PDE1C: variants seen among roughly 807,000 people sequenced by gnomAD.
The protein encoded by PDE1C is dual specificity calcium/calmodulin-dependent 3',5'-cyclic nucleotide phosphodiesterase 1C.
A neutral mutation model predicts 93.1 loss-of-function variants in PDE1C; 62 were observed. That is an observed-to-expected ratio of 0.67 (90% CI 0.54 to 0.82). The LOEUF is 0.82. PDE1C is among the 40% of genes least tolerant of loss of function. PDE1C has a pLI of 0.00. For missense variants in PDE1C, 742 were observed against 884.6 expected, an observed-to-expected ratio of 0.84 and a Z score of 2.04; for synonymous variants, 325 against 310.1, an observed-to-expected ratio of 1.05 and a Z score of -0.50.
intron 1 of PDE1C, among the ~76,000 whole-genome samples, chr7:32,321,930 T>C (rs575247925): frequency 6.6e-6 from 1 of 152,336 alleles, no homozygotes; most frequent in East Asian, 1.9e-4. Flanking sequence ...AATTAGCATG[T>C]AATAAGTACA....
At chr7:32,147,056 G>A (rs1800882120) in intron 3 of PDE1C, among the ~76,000 whole-genome samples, 1 of 151,610 alleles carries the variant, frequency 6.6e-6, no homozygotes, top group Non-Finnish European at 1.5e-5. Context: ...CCACCAAGAA[G>A]TCATCGCTAA....
intron 1 of PDE1C, among the ~76,000 whole-genome samples, chr7:32,327,600 CTACTAAAAA>C (rs1428727238): frequency 6.6e-6 from 1 of 152,066 alleles, no homozygotes; most frequent in Non-Finnish European, 1.5e-5. Flanking sequence ...AACCTTGTCT[CTACTAAAAA>C]TACAAAAATT....
intron 2 of PDE1C, among the ~76,000 whole-genome samples, chr7:31,966,300 G>T (rs1482542683): frequency 2.0e-5 from 3 of 152,100 alleles, no homozygotes; most frequent in Non-Finnish European, 4.4e-5. Flanking sequence ...AAAGGCAAGG[G>T]TTGCAATCCT....
intron 1 of PDE1C, among the ~76,000 whole-genome samples, chr7:32,401,817 G>A (rs763153664): frequency 2.6e-5 from 4 of 152,180 alleles, no homozygotes; most frequent in East Asian, 1.9e-4. Flanking sequence ...ACTCGCCTAC[G>A]TCAGAGAGTC....
At chr7:31,902,998 A>AT (rs1800170447) in intron 2 of PDE1C, among the ~76,000 whole-genome samples, 1 of 151,782 alleles carries the variant, frequency 6.6e-6, no homozygotes, top group Non-Finnish European at 1.5e-5. Flanking sequence ...TTTCTGTTAC[A>AT]TATCAGAATA....
intron 3 of PDE1C, among the ~76,000 whole-genome samples, chr7:32,155,058 C>T (rs1801486953): frequency 6.7e-6 from 1 of 149,936 alleles, no homozygotes; most frequent in Non-Finnish European, 1.5e-5. Context: ...TGGTGTGGCA[C>T]CGGCATTGGA....
chr7:32,147,301 AAAG>A (rs1800939997), intron 3 of PDE1C, among the ~76,000 whole-genome samples: 4 of 133,778 alleles, frequency 3.0e-5, no homozygotes, highest in South Asian at 4.7e-4. Context: ...AGAAAGAAAG[AAAG>A]AAAGAAAGAA....
chr7:31,814,081 TAC>T (rs141676874), intron 15 of PDE1C, among the ~76,000 whole-genome samples: 2,717 of 149,286 alleles, frequency 0.018, 76 homozygotes, highest in African/African-American at 0.06. Flanking sequence ...CATATATATG[TAC>T]ACACACACAC....
chr7:31,880,395 A>G (rs530854199), intron 3 of PDE1C, among the ~76,000 whole-genome samples: 124 of 152,180 alleles, frequency 8.1e-4, no homozygotes, highest in Non-Finnish European at 1.6e-3. Flanking sequence ...TAAAACATAA[A>G]CTCAATTTTT....
At position 31,953,776 on chromosome 7, in the gene PDE1C, C is replaced by T. The variant is rs554181920; in HGVS notation, c.129-72916G>A. On this transcript the variant is annotated intron_variant, in intron 2 of 17. Coordinates refer to ENST00000396191, the MANE Select transcript of PDE1C (RefSeq NM_001191057.4). ...TCAAGGCCTGTTCCATGGTCTCTTACGTGAAAAAGTAAACCAGAAAAAGAA... is the reference window on the plus strand; with the variant it reads ...TCAAGGCCTGTTCCATGGTCTCTTATGTGAAAAAGTAAACCAGAAAAAGAA... Among the ~76,000 whole-genome samples, 25 of 151,458 alleles carry T rather than the reference C, an allele frequency of 1.7e-4. No homozygotes were observed. The South Asian group carries it at 4.8e-3, about 29-fold the overall frequency.
intron 2 of PDE1C, among the ~76,000 whole-genome samples, chr7:32,204,481 G>A (rs1805270105): frequency 6.6e-6 from 1 of 152,076 alleles, no homozygotes; most frequent in Admixed American, 6.6e-5. Context: ...CCCTCGCTCG[G>A]GCTCCTCCAA....
intron 2 of PDE1C, among the ~76,000 whole-genome samples, chr7:32,034,897 T>A (rs1016251379): frequency 6.6e-6 from 1 of 152,150 alleles, no homozygotes; most frequent in African/African-American, 2.4e-5. Context: ...GAGGAGTTAA[T>A]AAAAATTAAA....
intron 1 of PDE1C, among the ~76,000 whole-genome samples, chr7:32,418,345 T>C (rs977783447): frequency 6.6e-6 from 1 of 152,214 alleles, no homozygotes; most frequent in Non-Finnish European, 1.5e-5. Flanking sequence ...CCTCAGATAA[T>C]TCCCCAAGCT....
intron 3 of PDE1C, among the ~76,000 whole-genome samples, chr7:32,122,128 A>G (rs1210890065): frequency 7.2e-5 from 11 of 152,170 alleles, no homozygotes; most frequent in East Asian, 1.9e-4. Flanking sequence ...AAAAAGAATG[A>G]CATTACATAA....
intron 1 of PDE1C, among the ~76,000 whole-genome samples, chr7:32,263,328 C>T (rs1236336267): frequency 6.6e-6 from 1 of 152,026 alleles, no homozygotes; most frequent in Non-Finnish European, 1.5e-5. Context: ...CTCCCTCCTC[C>T]CCCTGCATAT....
chr7:32,333,201 A>C (rs77526818), intron 1 of PDE1C, among the ~76,000 whole-genome samples: 2,274 of 152,278 alleles, frequency 0.015, 62 homozygotes, highest in African/African-American at 0.052. Flanking sequence ...AAGAATGAGA[A>C]ATAGCAAAAT....
chr7:31,697,146 G>T, the PDE1C span: 1 of 1,611,054 alleles, frequency 6.2e-7, no homozygotes, highest in Non-Finnish European at 8.5e-7. Flanking sequence ...GGCATTTGCA[G>T]GGGGTGATGG....
At chr7:31,749,683 G>T (rs1416274094), downstream of PDE1C, among the ~76,000 whole-genome samples, 1 of 151,794 alleles carries the variant, frequency 6.6e-6, no homozygotes, top group Non-Finnish European at 1.5e-5. Context: ...TCCACAGCCT[G>T]TGAGAAATCC....
At chr7:31,957,707 T>C (rs999407076) in intron 2 of PDE1C, among the ~76,000 whole-genome samples, 1 of 152,158 alleles carries the variant, frequency 6.6e-6, no homozygotes, top group Non-Finnish European at 1.5e-5. Context: ...TCTTCCTGAG[T>C]AGCTTAGCAG....
Sources: allele counts gnomAD v4.1 joint callset (sites outside exome capture counted in the v4.1 genomes callset), GRCh38; gene constraint gnomAD v4.1.1; transcripts MANE v1.5; gene names NCBI Gene and HGNC (gene_info 2026-07-23, HGNC 2026-07-21).